The following ANK3 variants were observed in gnomAD, a reference collection of about 807,000 sequenced individuals.
ANK3 encodes ankyrin 3, also known as ankyrin-3.
A neutral mutation model predicts 370.9 loss-of-function variants in ANK3; 57 were observed. The observed-to-expected ratio is 0.15, with a 90% confidence interval of 0.12 to 0.19. The LOEUF is 0.19. ANK3 is among the 10% of genes least tolerant of loss of function. ANK3 has a pLI of 1.00. For synonymous variants in ANK3, 1,929 were observed against 1,946.3 expected, an observed-to-expected ratio of 0.99 and a Z score of 0.23; for missense variants, 4,439 against 5,302.1, an observed-to-expected ratio of 0.84 and a Z score of 5.06.
At chr10:60,435,127 T>A (rs1050078030) in intron 2 of ANK3, among the ~76,000 whole-genome samples, 4 of 152,218 alleles carry the variant, frequency 2.6e-5, no homozygotes, top group Non-Finnish European at 5.9e-5. Context: ...TCATAATGCA[T>A]TGCTCAGTAT....
At chr10:60,102,333 T>C (rs914527979) in intron 28 of ANK3, among the ~76,000 whole-genome samples, 2 of 152,042 alleles carry the variant, frequency 1.3e-5, no homozygotes, top group African/African-American at 4.8e-5. Context: ...TAAACACTGA[T>C]TGAGTGATTC....
chr10:60,579,681 C>T (rs987962647), intron 2 of ANK3, among the ~76,000 whole-genome samples: 1 of 152,124 alleles, frequency 6.6e-6, no homozygotes, highest in Non-Finnish European at 1.5e-5. Context: ...TAAGTGTATA[C>T]TGATTGTCAT....
chr10:60,313,877 C>A (rs1005417794), intron 1 of ANK3, among the ~76,000 whole-genome samples: 1 of 151,994 alleles, frequency 6.6e-6, no homozygotes, highest in African/African-American at 2.4e-5. Flanking sequence ...AAAAATAGCA[C>A]CTCCAGCCTG....
At chr10:60,180,601 A>AAAAAAAAAAC (rs1201905810) in intron 18 of ANK3, among the ~76,000 whole-genome samples, 1 of 131,200 alleles carries the variant, frequency 7.6e-6, no homozygotes, top group Admixed American at 7.4e-5. Flanking sequence ...TCTCAAAAAA[A>AAAAAAAAAAC]AAAAAAAAAA....
At chr10:60,452,790 C>T (rs904929539) in intron 2 of ANK3, among the ~76,000 whole-genome samples, 3 of 152,160 alleles carry the variant, frequency 2.0e-5, no homozygotes, top group Non-Finnish European at 4.4e-5. Flanking sequence ...TGATTTCTCC[C>T]TTTATTAGTT....
At chr10:60,641,726 G>A (rs1340326292) in intron 1 of ANK3, among the ~76,000 whole-genome samples, 1 of 152,238 alleles carries the variant, frequency 6.6e-6, no homozygotes, top group Non-Finnish European at 1.5e-5. Flanking sequence ...CTTGGGCAAG[G>A]ACTTCATGTC....
At chr10:60,093,375 T>C (rs2089201416) in intron 28 of ANK3, among the ~76,000 whole-genome samples, 1 of 152,232 alleles carries the variant, frequency 6.6e-6, no homozygotes, top group African/African-American at 2.4e-5. Context: ...GCTAGCAATT[T>C]AAGAAGACAG....
chr10:60,715,853 C>T (rs941457951), intron 1 of ANK3, among the ~76,000 whole-genome samples: 1 of 49,098 alleles, frequency 2.0e-5, no homozygotes, highest in Non-Finnish European at 3.8e-5. Context: ...AGGTTTGAAA[C>T]TTAAGGACCA....
At chr10:60,218,097 CTTT>C (rs199989242) in intron 8 of ANK3, among the ~76,000 whole-genome samples, 11 of 126,146 alleles carry the variant, frequency 8.7e-5, no homozygotes, top group African/African-American at 1.6e-4. Flanking sequence ...CTTTTTCTTT[CTTT>C]TTTTTTTTTT....
chr10:60,606,897 C>T, intron 2 of ANK3, among the ~76,000 whole-genome samples: 1 of 152,182 alleles, frequency 6.6e-6, no homozygotes, highest in East Asian at 1.9e-4. Flanking sequence ...GTGACTCTCA[C>T]TGCTCCCCAG....
At chr10:60,563,531 G>T (rs2077388531) in intron 2 of ANK3, among the ~76,000 whole-genome samples, 1 of 152,116 alleles carries the variant, frequency 6.6e-6, no homozygotes, top group Non-Finnish European at 1.5e-5. Context: ...CATAAGCAAA[G>T]AATTTTTACT....
At chr10:60,032,297 C>T (rs1471062849) in intron 43 of ANK3, among the ~76,000 whole-genome samples, 2 of 146,986 alleles carry the variant, frequency 1.4e-5, no homozygotes, top group African/African-American at 2.5e-5. Flanking sequence ...ACCTCCGCCT[C>T]CCGGGTTCAA....
At chr10:60,628,376 C>A (rs1486874393) in intron 1 of ANK3, among the ~76,000 whole-genome samples, 1 of 152,142 alleles carries the variant, frequency 6.6e-6, no homozygotes, top group Non-Finnish European at 1.5e-5. Context: ...ACCCAACATA[C>A]CTCCTCTATG....
rs114005679 is a variant in ANK3 at position 60,117,417 on chromosome 10, G to C, written c.2842-3086C>G. Among the ~76,000 whole-genome samples, 754 of 152,342 alleles carry C rather than the reference G, an allele frequency of 4.9e-3. 6 individuals are homozygous for C. The highest frequency in any genetic ancestry group is 0.017 in the African/African-American group (713 of 41,576). Reference sequence around the variant, plus strand: ...CACCTAATGAATGTGAACACATTGAGAGATTTGTACAACTGGGGGAGAGTT... The same window carrying C: ...CACCTAATGAATGTGAACACATTGACAGATTTGTACAACTGGGGGAGAGTT... On this transcript the variant is annotated intron_variant, in intron 25 of 43. Transcript: ENST00000280772.
chr10:60,196,074 G>A, intron 16 of ANK3, 71 bp downstream of exon 16: 1 of 1,365,014 alleles, frequency 7.3e-7, no homozygotes, highest in East Asian at 2.3e-5. Context: ...TGCTGAAGCA[G>A]AAGTAGATGT....
chr10:60,421,817 T>C (rs1490677660), intron 2 of ANK3, among the ~76,000 whole-genome samples: 1 of 152,104 alleles, frequency 6.6e-6, no homozygotes, highest in Non-Finnish European at 1.5e-5. Context: ...GAATTGGTCA[T>C]TACTGTATAA....
In ANK3 at chr10:60,340,397, G is replaced by T; in HGVS notation, c.114+49028C>A. ...TACAAGTTGTATATATCCAGGGCCA[G>T]CTAATTTTTGTTTTTTTCTTTCTTT... is the stretch of plus-strand genomic sequence containing the variant. On this transcript the variant is annotated intron_variant, in intron 1 of 43. Transcript: ENST00000280772. 1.3e-5 allele frequency among the ~76,000 whole-genome samples: 2 copies of T among 151,948 alleles called. 1 individual carries two copies.
intron 1 of ANK3, among the ~76,000 whole-genome samples, chr10:60,357,878 C>T (rs994870447): frequency 5.9e-5 from 9 of 152,150 alleles, no homozygotes; most frequent in Non-Finnish European, 1.0e-4. Context: ...CTCTCTCCTT[C>T]TGCAATGGCA....
intron 1 of ANK3, among the ~76,000 whole-genome samples, chr10:60,330,085 G>A (rs2050854852): frequency 6.6e-6 from 1 of 152,190 alleles, no homozygotes; most frequent in African/African-American, 2.4e-5. Flanking sequence ...CTAGCCATAT[G>A]CAGAAAACTG....
Sources: gnomAD v4.1 joint callset for allele counts (sites outside exome capture counted in the v4.1 genomes callset) on GRCh38, gnomAD v4.1.1 for gene constraint, MANE v1.5 for transcripts, NCBI Gene and HGNC (gene_info 2026-07-23, HGNC 2026-07-21) for gene names.